The following ZNF730 variants were observed in gnomAD, a reference collection of about 807,000 sequenced individuals.
ZNF730 encodes the protein zinc finger protein 730, also known as putative zinc finger protein 730.
Under a neutral mutation model 12.6 loss-of-function variants are expected in ZNF730, and 12 were observed. That is an observed-to-expected ratio of 0.95 (90% CI 0.61 to 1.54). The LOEUF (loss-of-function observed/expected upper bound fraction) is 1.54, where lower values mean the gene tolerates loss of function less well. Among genes scored for constraint, ZNF730 ranks in the 40% most tolerant of loss-of-function variants. The pLI is 0.00. For synonymous variants in ZNF730, 194 were observed against 195.8 expected, an observed-to-expected ratio of 0.99 and a Z score of 0.08; for missense variants, 643 against 583.5, an observed-to-expected ratio of 1.10 and a Z score of -1.05.
chr19:23,126,674 T>C (rs1295261407), intron 1 of ZNF730: 6 of 494,140 alleles, frequency 1.2e-5, no homozygotes, highest in Non-Finnish European at 2.4e-5. Flanking sequence ...TTTTTTTTTT[T>C]CTGAATGCAG....
At chr19:23,125,202 T>C (rs1970647589) in intron 1 of ZNF730, among the ~76,000 whole-genome samples, 1 of 152,164 alleles carries the variant, frequency 6.6e-6, no homozygotes, top group African/African-American at 2.4e-5. Flanking sequence ...TCCCAGTCTC[T>C]GGTGTGTTTT....
At position 23,128,276 on chromosome 19, in the gene ZNF730, A is replaced by G. The variant is rs1383171305; in HGVS notation, c.4-5804A>G. 1.6e-5 allele frequency: 11 copies of G among 692,682 alleles called. No homozygotes were observed. In the Admixed American group the frequency reaches 2.0e-4, roughly 13 times the overall value. The allele number at this position is 692,682 out of a possible 1,614,324, so 42.9% of individuals were successfully genotyped here. On this transcript the variant is annotated intron_variant, in intron 1 of 3. Transcript: ENST00000597761. ...CACCAGAAGTACATCATAGGCCAGAATGTTGCAGATTACATGCACTACTTA... is the reference window on the plus strand; with the variant it reads ...CACCAGAAGTACATCATAGGCCAGAGTGTTGCAGATTACATGCACTACTTA...
Position 23,145,291 on chromosome 19 carries a change from C to A in ZNF730, c.247C>A (p.Gln83Lys). Reference protein sequence around the residue: ...KPPVICSHIAQDLWPEQGIKD... With the variant: ...KPPVICSHIAKDLWPEQGIKD... ...TTCAGTTATATGTTCTCATATTGCC[C>A]AAGACCTTTGGCCAGAGCAAGGCAT... is the stretch of plus-strand genomic sequence containing the variant. The change falls in exon 4 of 4, where the codon CAA (glutamine) becomes AAA (lysine). Residue 83 changes from glutamine to lysine, a missense_variant. By Grantham distance (53) the Gln-to-Lys change is moderately conservative (BLOSUM62 1). Coordinates refer to ENST00000597761, the MANE Select transcript of ZNF730 (RefSeq NM_001277403.2). The A allele has an allele frequency of 6.5e-7, 1 of 1,549,840 alleles. No homozygotes were observed. The highest frequency in any genetic ancestry group is 8.7e-7 in the Non-Finnish European group (1 of 1,151,824).
At chr19:23,092,831 G>C (rs1241847061) in intron 1 of ZNF730, among the ~76,000 whole-genome samples, 1 of 152,104 alleles carries the variant, frequency 6.6e-6, no homozygotes, top group African/African-American at 2.4e-5. Flanking sequence ...AATTTGGTTT[G>C]CCAGTATTTT....
intron 1 of ZNF730, among the ~76,000 whole-genome samples, chr19:23,093,086 G>A (rs1317559910): frequency 6.6e-6 from 1 of 152,106 alleles, no homozygotes; most frequent in East Asian, 1.9e-4. Flanking sequence ...CGCCTCCCGG[G>A]TTCAAGTGAT....
intron 1 of ZNF730, among the ~76,000 whole-genome samples, chr19:23,086,861 G>T (rs1019491706): frequency 7.9e-5 from 12 of 152,026 alleles, no homozygotes; most frequent in African/African-American, 2.9e-4. Flanking sequence ...GAAAAGCATC[G>T]AATCTATAAA....
chr19:23,083,101 T>G (rs1969993392), intron 1 of ZNF730, among the ~76,000 whole-genome samples: 1 of 152,220 alleles, frequency 6.6e-6, no homozygotes, highest in South Asian at 2.1e-4. Flanking sequence ...AGATATCTTT[T>G]TGAAATATGG....
intron 1 of ZNF730, among the ~76,000 whole-genome samples, chr19:23,087,197 C>A (rs978400641): frequency 1.3e-5 from 2 of 152,130 alleles, no homozygotes; most frequent in African/African-American, 2.4e-5. Flanking sequence ...CACCTGAGAT[C>A]AGGTGTTCGA....
intron 1 of ZNF730, chr19:23,127,230 T>C (rs898189217): frequency 4.8e-6 from 3 of 628,788 alleles, no homozygotes; most frequent in Non-Finnish European, 6.0e-6. Flanking sequence ...TAACCATGTT[T>C]TTAAAGAAAT....
chr19:23,104,952 T>C (rs1427898205), intron 1 of ZNF730, among the ~76,000 whole-genome samples: 2 of 151,834 alleles, frequency 1.3e-5, no homozygotes, highest in African/African-American at 4.9e-5. Context: ...ATGGCTGTGC[T>C]CAGCTTTAGA....
intron 1 of ZNF730, chr19:23,127,156 T>C: frequency 3.8e-6 from 2 of 527,778 alleles, no homozygotes; most frequent in East Asian, 4.7e-5. Flanking sequence ...AAGAAATGTT[T>C]GTTCATGCTC....
At chr19:23,141,946 A>G (rs1008908313) in intron 3 of ZNF730, among the ~76,000 whole-genome samples, 21 of 152,314 alleles carry the variant, frequency 1.4e-4, no homozygotes, top group African/African-American at 4.6e-4. Flanking sequence ...ATATTAAAGT[A>G]TACAATAATT....
chr19:23,108,136 A>C (rs2145564249), intron 1 of ZNF730, among the ~76,000 whole-genome samples: 1 of 152,332 alleles, frequency 6.6e-6, no homozygotes, highest in Non-Finnish European at 1.5e-5. Context: ...AAACATTTTT[A>C]CATTCATTTG....
At chr19:23,076,308 GA>G (rs1311684278) in intron 1 of ZNF730, among the ~76,000 whole-genome samples, 1 of 152,186 alleles carries the variant, frequency 6.6e-6, no homozygotes, top group South Asian at 2.1e-4. Flanking sequence ...TTTCACATGA[GA>G]AAAATGTAGA....
chr19:23,095,685 G>T (rs1970237258), intron 1 of ZNF730: 1 of 375,044 alleles, frequency 2.7e-6, no homozygotes, highest in African/African-American at 2.1e-5. Flanking sequence ...CTCCTGCCTG[G>T]ATCCTGCCTA....
intron 1 of ZNF730, among the ~76,000 whole-genome samples, chr19:23,085,948 C>A (rs1017997089): frequency 3.5e-5 from 5 of 144,564 alleles, no homozygotes; most frequent in Non-Finnish European, 7.5e-5. Context: ...CAGGTTCAAG[C>A]AATTCTCTGC....
intron 3 of ZNF730, among the ~76,000 whole-genome samples, chr19:23,144,567 G>A (rs1970975702): frequency 6.6e-6 from 1 of 151,826 alleles, no homozygotes; most frequent in African/African-American, 2.4e-5. Flanking sequence ...GGGCGTGGTG[G>A]CATGTGCCTG....
chr19:23,108,787 T>C (rs1487766985), intron 1 of ZNF730, among the ~76,000 whole-genome samples: 1 of 152,242 alleles, frequency 6.6e-6, no homozygotes, highest in Non-Finnish European at 1.5e-5. Context: ...TCTCACTCTA[T>C]TGCCCTGGCT....
chr19:23,110,282 A>AT (rs372050993), intron 1 of ZNF730, among the ~76,000 whole-genome samples: 74 of 115,062 alleles, frequency 6.4e-4, no homozygotes, highest in Middle Eastern at 8.6e-3. Context: ...CTTTATAACC[A>AT]TTTTTTTTTT....
Sources: allele counts gnomAD v4.1 joint callset (sites outside exome capture counted in the v4.1 genomes callset), GRCh38; gene constraint gnomAD v4.1.1; transcripts MANE v1.5; gene names NCBI Gene and HGNC (gene_info 2026-07-23, HGNC 2026-07-21).